Variants in JAK1 observed in about 807,000 individuals in gnomAD.
The protein encoded by JAK1 is tyrosine-protein kinase JAK1.
Under a neutral mutation model 136.6 loss-of-function variants are expected in JAK1, and 16 were observed. The observed-to-expected ratio is 0.12, with a 90% CI of 0.08 to 0.18. The LOEUF (loss-of-function observed/expected upper bound fraction) is 0.18, where lower values mean the gene tolerates loss of function less well. Ranked by LOEUF, JAK1 falls within the 10% of genes least tolerant of loss-of-function variation. The pLI, the probability that JAK1 is intolerant of heterozygous loss-of-function variation, is 1.00. For synonymous variants in JAK1, 492 were observed against 519.5 expected (o/e 0.95, Z 0.72); for missense variants, 859 against 1,450.1 (o/e 0.59, Z 6.62).
chr1:65,010,845 GCCTGTAGT>G (rs1359482386), intron 2 of JAK1, among the ~76,000 whole-genome samples: 2 of 152,120 alleles, frequency 1.3e-5, no homozygotes, highest in African/African-American at 4.8e-5. Flanking sequence ...GTGGTGGCAT[GCCTGTAGT>G]CCTAGCTACT....
chr1:64,977,420 G>A (rs1646505874), intron 2 of JAK1, among the ~76,000 whole-genome samples: 1 of 151,030 alleles, frequency 6.6e-6, no homozygotes, highest in Non-Finnish European at 1.5e-5. Context: ...CCAAAGTACT[G>A]GGATTACAGG....
At chr1:65,059,554 GTAA>G (rs753237185) in intron 1 of JAK1, among the ~76,000 whole-genome samples, 11 of 152,100 alleles carry the variant, frequency 7.2e-5, no homozygotes, top group Non-Finnish European at 1.3e-4. Flanking sequence ...TTTTTAAAAA[GTAA>G]TAATAACATA....
intron 2 of JAK1, chr1:65,002,489 G>A (rs1398740604): frequency 6.6e-6 from 1 of 152,210 alleles, no homozygotes; most frequent in Non-Finnish European, 1.5e-5. Flanking sequence ...TCACTTCTAA[G>A]TGACGCTAAT....
At chr1:64,878,561 G>GTGTGTGTA in intron 4 of JAK1, among the ~76,000 whole-genome samples, 1 of 119,984 alleles carries the variant, frequency 8.3e-6, no homozygotes, top group South Asian at 2.9e-4. Context: ...TATATAGTGT[G>GTGTGTGTA]TATATATATA....
chr1:64,882,534 T>A (rs1483653824), intron 3 of JAK1, among the ~76,000 whole-genome samples: 2 of 152,220 alleles, frequency 1.3e-5, no homozygotes, highest in African/African-American at 4.8e-5. Context: ...ACAATCCAAG[T>A]GGATTAGATC....
chr1:64,992,261 T>A (rs999682921), intron 2 of JAK1: 5 of 152,148 alleles, frequency 3.3e-5, no homozygotes, highest in Non-Finnish European at 7.4e-5. Flanking sequence ...ACGTCTGTAG[T>A]CCAAGCTACT....
chr1:64,876,671 C>T (rs757656312), intron 4 of JAK1, among the ~76,000 whole-genome samples: 9 of 152,078 alleles, frequency 5.9e-5, no homozygotes, highest in Non-Finnish European at 1.3e-4. Flanking sequence ...TATAAAGGTG[C>T]TCATCAAACC....
Position 64,923,508 on chromosome 1 carries a change from C to G in JAK1, c.-77-37167G>C, listed in dbSNP as rs755040967. ...ACTCCAAAACCACTTTGGTTCAGAT[C>G]ACATGGGGACATTTCCATTGGTTGC... On this transcript the variant is annotated intron_variant, in intron 1 of 24. Coordinates refer to ENST00000342505, the MANE Select transcript of JAK1 (RefSeq NM_002227.4). 7.9e-5 allele frequency among the ~76,000 whole-genome samples: 12 copies of G among 152,308 alleles called. No homozygotes were observed. The East Asian group carries it at 2.3e-3, about 29-fold the overall frequency.
chr1:64,999,284 A>C (rs1367618087), intron 2 of JAK1, among the ~76,000 whole-genome samples: 1 of 152,200 alleles, frequency 6.6e-6, no homozygotes, highest in African/African-American at 2.4e-5. Flanking sequence ...CTCTACTCTC[A>C]GTGCAAGCAC....
intron 22 of JAK1, among the ~76,000 whole-genome samples, chr1:64,837,111 C>T (rs533558530): frequency 6.6e-6 from 1 of 152,172 alleles, no homozygotes; most frequent in Admixed American, 6.5e-5. Flanking sequence ...TGAATACTCA[C>T]GACTTCCAGA....
intron 2 of JAK1, among the ~76,000 whole-genome samples, chr1:65,024,798 G>T (rs1006783341): frequency 7.2e-5 from 11 of 151,928 alleles, no homozygotes; most frequent in Non-Finnish European, 8.8e-5. Context: ...CCAACATGGT[G>T]AGACCCCATT....
Position 64,984,653 on chromosome 1 carries a change from C to G in JAK1, c.-78+59827G>C. On this transcript the variant is annotated intron_variant, in intron 2 of 25. Transcript: ENST00000671954. This position sits in a 1 kb window ranked among gnomAD's most constrained non-coding sequence, Gnocchi z 4.1. ...TTAGCAGGCTGGATACTGTTCATCT[C>G]CATGACACAGTCCTTCCAGATCTAT... 1.8e-6 allele frequency: 1 copy of G among 546,432 alleles called. No homozygotes were observed. The highest frequency in any genetic ancestry group is 3.1e-4 in the Middle Eastern group (1 of 3,260). 33.8% of individuals were successfully genotyped at this position (546,432 alleles called of 1,614,324 possible).
chr1:64,900,220 C>G (rs557360449), intron 1 of JAK1, among the ~76,000 whole-genome samples: 1 of 152,068 alleles, frequency 6.6e-6, no homozygotes, highest in South Asian at 2.1e-4. Context: ...CAAGGCAAAA[C>G]ATAATTATTT....
At chr1:65,067,369 C>A (rs1648104367) in intron 1 of JAK1, among the ~76,000 whole-genome samples, 1 of 149,462 alleles carries the variant, frequency 6.7e-6, no homozygotes, top group Non-Finnish European at 1.5e-5. Context: ...TCGCCGGAGC[C>A]GCTCTGTGCG....
At chr1:65,025,309 G>A (rs529848232) in intron 2 of JAK1, among the ~76,000 whole-genome samples, 4 of 152,290 alleles carry the variant, frequency 2.6e-5, no homozygotes, top group South Asian at 2.1e-4. Context: ...ATTCCAAGTC[G>A]GGGAAGAGAG....
rs764297221 is a variant in JAK1 at position 64,846,754 on chromosome 1, A to T, written c.1900-18T>A. Reference sequence around the variant, plus strand: ...AAGAAGGCCTGTGGGCGAGCAGGACATAGGAATGTCTCAGGCCAGCCTCCA... The same window carrying T: ...AAGAAGGCCTGTGGGCGAGCAGGACTTAGGAATGTCTCAGGCCAGCCTCCA... On this transcript the variant is annotated intron_variant, in intron 13 of 24. Coordinates refer to ENST00000342505, the MANE Select transcript of JAK1 (RefSeq NM_002227.4). 6.2e-7 allele frequency: 1 copy of T among 1,607,206 alleles called. No homozygotes were observed. Among genetic ancestry groups the T allele is most frequent in the African/African-American group, 1.3e-5 (1 of 74,926 alleles).
intron 11 of JAK1, 62 bp downstream of exon 11, chr1:64,855,447 C>A: frequency 2.0e-6 from 3 of 1,497,452 alleles, no homozygotes; most frequent in East Asian, 2.3e-5. Context: ...GTGTTTTGGT[C>A]GATCTGGGTC....
At chr1:64,978,986 C>T (rs147311152) in intron 2 of JAK1, among the ~76,000 whole-genome samples, 68 of 152,276 alleles carry the variant, frequency 4.5e-4, no homozygotes, top group African/African-American at 1.5e-3. Flanking sequence ...TTTAACTTTA[C>T]TGTGTCCACG....
At chr1:64,835,595 C>T in intron 23 of JAK1, 89 bp from the exon 24 acceptor site, 4 of 806,470 alleles carry the variant, frequency 5.0e-6, no homozygotes, top group Non-Finnish European at 8.2e-6. Flanking sequence ...CTACAATCAA[C>T]TGGAAATTTA....
Sources: allele counts gnomAD v4.1 joint callset (sites outside exome capture counted in the v4.1 genomes callset), GRCh38; gene constraint gnomAD v4.1.1; non-coding constraint Gnocchi (gnomAD v3.1); transcripts MANE v1.5; gene names NCBI Gene and HGNC (gene_info 2026-07-23, HGNC 2026-07-21).